Variants in SEL1L3 observed in about 807,000 individuals in gnomAD.
The protein encoded by SEL1L3 is protein sel-1 homolog 3.
Under a neutral mutation model 142.8 loss-of-function variants are expected in SEL1L3, and 76 were observed. That is an observed-to-expected ratio of 0.53 (90% confidence interval 0.44 to 0.64). The LOEUF is 0.64. SEL1L3 is among the 30% of genes least tolerant of loss of function. The pLI, the probability that SEL1L3 is intolerant of heterozygous loss-of-function variation, is 0.00. For synonymous variants in SEL1L3, 504 were observed against 519.6 expected (o/e 0.97, Z 0.41); for missense variants, 1,262 against 1,381.7 (o/e 0.91, Z 1.37).
intron 20 of SEL1L3, among the ~76,000 whole-genome samples, chr4:25,762,655 C>T (rs1020893246): frequency 3.3e-5 from 5 of 152,250 alleles, no homozygotes; most frequent in African/African-American, 9.6e-5. Context: ...AAAATGCACA[C>T]AATCCTACAA....
intron 11 of SEL1L3, among the ~76,000 whole-genome samples, chr4:25,798,164 T>G (rs984857910): frequency 6.6e-6 from 1 of 152,132 alleles, no homozygotes; most frequent in Non-Finnish European, 1.5e-5. Context: ...GCTAGACTTA[T>G]TCTTCTGGGT....
the SEL1L3 span, chr4:25,720,188 G>A: frequency 6.6e-6 from 1 of 152,164 alleles, no homozygotes; most frequent in African/African-American, 2.4e-5. Flanking sequence ...CTGATTATTA[G>A]TGTCAGATTG....
intron 10 of SEL1L3, among the ~76,000 whole-genome samples, chr4:25,804,209 A>G (rs1713393405): frequency 6.6e-6 from 1 of 152,204 alleles, no homozygotes. Flanking sequence ...ATGTGGGATA[A>G]TGGTCTCACA....
Position 25,758,982 on chromosome 4 carries a change from G to C in SEL1L3, c.3042C>G (p.Leu1014=), listed in dbSNP as rs749840606. The change falls in exon 21 of 24, where the codon CTC becomes CTG. Residue 1014 remains leucine (L), a synonymous_variant. Transcript: ENST00000399878. ...GGAGAATGGAGATGTTATTAGAATGGAGAGTTGAGTCAATTTCCAAGAAAT... is the reference window on the plus strand; with the variant it reads ...GGAGAATGGAGATGTTATTAGAATGCAGAGTTGAGTCAATTTCCAAGAAAT... ...ILDFLEIDST[L]HSNNISILQE... 21 of 1,613,660 alleles carry C rather than the reference G, an allele frequency of 1.3e-5. No homozygotes were observed. Among genetic ancestry groups the C allele is most frequent in the Non-Finnish European group, 1.7e-5 (20 of 1,179,766 alleles).
chr4:25,769,470 C>T (rs1188521113), intron 17 of SEL1L3, among the ~76,000 whole-genome samples: 1 of 152,198 alleles, frequency 6.6e-6, no homozygotes, highest in South Asian at 2.1e-4. Context: ...AGATAACAAG[C>T]CTCCAAGTGC....
the SEL1L3 span, among the ~76,000 whole-genome samples, chr4:25,739,015 C>T: frequency 6.6e-6 from 1 of 151,656 alleles, no homozygotes; most frequent in Non-Finnish European, 1.5e-5. Context: ...ACCAGCATGA[C>T]CAACATGGAG....
downstream of SEL1L3, among the ~76,000 whole-genome samples, chr4:25,744,431 G>A (rs12331399): frequency 0.59 from 85,805 of 146,178 alleles, 26,220 homozygotes; most frequent in Middle Eastern, 0.72. Context: ...TCAGCTCACC[G>A]CAACCTCCAC....
rs2109105219 is a variant in SEL1L3, at chr4:25,748,496, C to T, written c.3328G>A (p.Val1110Met). The T allele has an allele frequency of 6.2e-7, 1 of 1,612,114 alleles. No individual in the cohort carries two copies. Among genetic ancestry groups the T allele is most frequent in the East Asian group, 2.2e-5 (1 of 44,858 alleles). ...DTATSTASPA[V>M]TPAADASDQD... ...TCAGAGGCATCTGCAGCTGGAGTCA[C>T]AGCTGGACTTGCAGTGGACGTGGCA... The change falls in exon 24 of 24, where the codon GTG (valine) becomes ATG (methionine). Residue 1110 changes from valine (V) to methionine (M), a missense_variant. Physicochemically the swap from Val to Met is conservative, Grantham distance 21. Coordinates refer to ENST00000399878, the MANE Select transcript of SEL1L3 (RefSeq NM_015187.5).
Position 25,781,304 on chromosome 4 carries a change from C to T in SEL1L3, c.2457+938G>A, listed in dbSNP as rs575355254. 5.3e-5 allele frequency among the ~76,000 whole-genome samples: 8 copies of T among 152,246 alleles called. 1 individual carries two copies. The East Asian group carries it at 1.2e-3, about 22-fold the overall frequency. On this transcript the variant is annotated intron_variant, in intron 15 of 23. Coordinates refer to ENST00000399878, the MANE Select transcript of SEL1L3 (RefSeq NM_015187.5). The stretch of plus-strand genomic sequence containing the variant: ...TATGTCCTCAGTGTTCAGAAGGGTG[C>T]CTGGCACTGGGTGGGTATTCACCAC...
At chr4:25,840,812 T>G (rs1716117648) in intron 2 of SEL1L3, among the ~76,000 whole-genome samples, 1 of 152,154 alleles carries the variant, frequency 6.6e-6, no homozygotes. Flanking sequence ...AAGTGCAGAC[T>G]CATCCTCAGA....
At chr4:25,769,458 C>T (rs1051230551) in intron 17 of SEL1L3, among the ~76,000 whole-genome samples, 24 of 152,186 alleles carry the variant, frequency 1.6e-4, no homozygotes, top group Non-Finnish European at 2.8e-4. Context: ...CAGAGGCAAG[C>T]CAGATAACAA....
intron 2 of SEL1L3, among the ~76,000 whole-genome samples, chr4:25,846,151 C>T (rs1194927326): frequency 1.3e-5 from 2 of 152,156 alleles, no homozygotes; most frequent in South Asian, 4.1e-4. Flanking sequence ...GGCAGGCACT[C>T]GGCATCCACA....
chr4:25,784,731 T>C (rs1020354334), intron 13 of SEL1L3, among the ~76,000 whole-genome samples: 8 of 152,184 alleles, frequency 5.3e-5, no homozygotes, highest in African/African-American at 1.9e-4. Flanking sequence ...ATCTCCAGGG[T>C]GGAACATTGT....
chr4:25,753,984 CATAAATAAATAA>C (rs35245204), intron 23 of SEL1L3, among the ~76,000 whole-genome samples: 37 of 143,540 alleles, frequency 2.6e-4, no homozygotes, highest in South Asian at 2.1e-3. Context: ...TCCGTCTCAA[CATAAATAAATAA>C]ATAAATAAAT....
intron 19 of SEL1L3, among the ~76,000 whole-genome samples, chr4:25,766,137 T>C (rs1035997640): frequency 6.6e-6 from 1 of 152,160 alleles, no homozygotes; most frequent in African/African-American, 2.4e-5. Context: ...GAAAAACTTG[T>C]GTTTAAGAGT....
Position 25,833,023 on chromosome 4 carries a change from C to A in SEL1L3, c.1070G>T (p.Arg357Leu), listed in dbSNP as rs778699182. ...KFIIPLKEWF[R>L]LDISFNGGQI... ...GCCTCCGTTAAAAGAGATATCCAGTCGAAACCACTCCTTCAAAGGTATGAT... is the reference window on the plus strand; with the variant it reads ...GCCTCCGTTAAAAGAGATATCCAGTAGAAACCACTCCTTCAAAGGTATGAT... Residue 357 changes from arginine to leucine, a missense_variant, in exon 5 of 24, where the codon CGA (arginine) becomes CTA (leucine). Physicochemically the swap from Arg to Leu is moderately radical, Grantham distance 102. This residue lies in a region of SEL1L3 where 689 missense variants were observed against 692.8 expected (regional missense o/e 0.99). Coordinates refer to ENST00000399878, the MANE Select transcript of SEL1L3 (RefSeq NM_015187.5). 1.2e-6 allele frequency: 2 copies of A among 1,609,272 alleles called. No homozygotes were observed. Among genetic ancestry groups the A allele is most frequent in the Non-Finnish European group, 1.7e-6 (2 of 1,175,768 alleles).
chr4:25,853,815 G>T (rs1307903646), intron 1 of SEL1L3, among the ~76,000 whole-genome samples: 1 of 151,924 alleles, frequency 6.6e-6, no homozygotes, highest in Non-Finnish European at 1.5e-5. Context: ...GAGATCACAG[G>T]CATGTGCCAA....
At chr4:25,743,688 C>A (rs964806433), downstream of SEL1L3, among the ~76,000 whole-genome samples, 3 of 152,120 alleles carry the variant, frequency 2.0e-5, no homozygotes, top group African/African-American at 7.2e-5. Context: ...CCAAAGGAGC[C>A]AATCAGATAC....
At chr4:25,728,296 G>A in the SEL1L3 span, among the ~76,000 whole-genome samples, 2 of 152,106 alleles carry the variant, frequency 1.3e-5, no homozygotes, top group South Asian at 4.1e-4. Flanking sequence ...ACATTCTCTG[G>A]CTTTCTATTT....
Sources: allele counts gnomAD v4.1 joint callset (sites outside exome capture counted in the v4.1 genomes callset), GRCh38; gene constraint gnomAD v4.1.1; regional missense constraint gnomAD v4.1.1; transcripts MANE v1.5; gene names NCBI Gene and HGNC (gene_info 2026-07-23, HGNC 2026-07-21).